CTSH: variants seen among roughly 807,000 people sequenced by gnomAD.
CTSH encodes cathepsin H.
A neutral mutation model predicts 56.3 loss-of-function variants in CTSH; 52 were observed. The ratio of observed to expected loss-of-function variants is 0.92; its 90% CI spans 0.74 to 1.16. The LOEUF (loss-of-function observed/expected upper bound fraction) is 1.16, where lower values mean the gene tolerates loss of function less well. Among genes scored for constraint, CTSH ranks in the 50% most tolerant of loss-of-function variants. The pLI is 0.00. For synonymous variants in CTSH, 174 were observed against 155.7 expected (o/e 1.12, Z -0.88); for missense variants, 406 against 424.5 (o/e 0.96, Z 0.38).
rs1177428469 is a variant in CTSH, at chr15:78,922,004, G to A, written c.*126C>T. On this transcript the variant is annotated 3_prime_UTR_variant, in exon 12 of 12. Transcript: ENST00000220166. ...GTAGGTTTCCAGGCTGGGCACAGAG[G>A]TGAGGGCAGAATGTTGGGGGTCCCA... is the stretch of plus-strand genomic sequence containing the variant. 4 of 828,798 alleles carry A rather than the reference G, an allele frequency of 4.8e-6. No individual in the cohort carries two copies. Among genetic ancestry groups the A allele is most frequent in the African/African-American group, 3.4e-5 (2 of 59,302 alleles). The allele number at this position is 828,798 out of a possible 1,614,324, so 51.3% of individuals were successfully genotyped here. A position where few individuals can be genotyped will look rare whatever the true frequency, so the allele number is the denominator to read the frequency against.
intron 1 of CTSH, 104 bp downstream of exon 1, chr15:78,944,787 C>T (rs2055361661): frequency 7.0e-7 from 1 of 1,427,618 alleles, no homozygotes; most frequent in South Asian, 1.4e-5. Flanking sequence ...CCGGGGAAAG[C>T]TCTGCCCCGT....
intron 10 of CTSH, among the ~76,000 whole-genome samples, chr15:78,924,462 G>T (rs1345703792): frequency 6.6e-6 from 1 of 152,104 alleles, no homozygotes; most frequent in Non-Finnish European, 1.5e-5. Context: ...GAGCACAGAC[G>T]TGAGTGACAT....
intron 1 of CTSH, among the ~76,000 whole-genome samples, chr15:78,939,950 C>T (rs1341418633): frequency 6.6e-6 from 1 of 152,168 alleles, no homozygotes; most frequent in Non-Finnish European, 1.5e-5. Context: ...CTTATGGGGA[C>T]AGGTAGTAAA....
At chr15:78,924,675 A>G (rs551133886) in intron 10 of CTSH, among the ~76,000 whole-genome samples, 1 of 147,556 alleles carries the variant, frequency 6.8e-6, no homozygotes, top group African/African-American at 2.5e-5. Flanking sequence ...TACGTCTTCA[A>G]ATCTTTAAAC....
Position 78,928,920 on chromosome 15 carries a change from A to G in CTSH, c.630+492T>C, listed in dbSNP as rs370105310. 7.9e-5 allele frequency among the ~76,000 whole-genome samples: 12 copies of G among 152,166 alleles called. No individual in the cohort carries two copies. The East Asian group carries it at 1.9e-3, about 25-fold the overall frequency. ...GCTGCTCATCACCACGAGGGGAAAT[A>G]AAGGAGGAGCAACAGGTCTTGGGGA... is the stretch of plus-strand genomic sequence containing the variant. On this transcript the variant is annotated intron_variant, in intron 8 of 11. Coordinates refer to ENST00000220166, the MANE Select transcript of CTSH (RefSeq NM_004390.5).
rs1268204734 is a variant in CTSH, at chr15:78,930,399, C to T, written c.549-906G>A. On this transcript the variant is annotated intron_variant, in intron 7 of 11. Coordinates refer to ENST00000220166, the MANE Select transcript of CTSH (RefSeq NM_004390.5). ...AAAATTAGCCAGGTGTGGTGGCGCACGCCTGTAATCCCAGCTCCCTGGGAG... is the reference window on the plus strand; with the variant it reads ...AAAATTAGCCAGGTGTGGTGGCGCATGCCTGTAATCCCAGCTCCCTGGGAG... 3.3e-5 allele frequency among the ~76,000 whole-genome samples: 5 copies of T among 152,068 alleles called. No individual in the cohort carries two copies. In the South Asian group the frequency reaches 8.3e-4, roughly 25 times the overall value.
chr15:78,942,143 C>T (rs1291019026), intron 1 of CTSH, among the ~76,000 whole-genome samples: 2 of 151,910 alleles, frequency 1.3e-5, no homozygotes, highest in Non-Finnish European at 2.9e-5. Flanking sequence ...CTTAATTCTT[C>T]GCACTCCTTT....
chr15:78,924,884 T>C (rs1596269190), intron 10 of CTSH, among the ~76,000 whole-genome samples: 1 of 143,652 alleles, frequency 7.0e-6, no homozygotes, highest in Non-Finnish European at 1.5e-5. Flanking sequence ...TTAGTAGAGA[T>C]GGGGTTTCGC....
chr15:78,938,141 G>A (rs2055215275), intron 2 of CTSH, among the ~76,000 whole-genome samples: 3 of 152,146 alleles, frequency 2.0e-5, no homozygotes, highest in South Asian at 4.1e-4. Flanking sequence ...GGCTGAGGCG[G>A]GTGGATCACC....
intron 9 of CTSH, chr15:78,927,437 C>T (rs920284773): frequency 6.6e-5 from 34 of 516,146 alleles, no homozygotes; most frequent in African/African-American, 6.3e-4. Context: ...CGGACAATTG[C>T]TTGCATTTTA....
At chr15:78,942,263 T>G (rs1447922884) in intron 1 of CTSH, among the ~76,000 whole-genome samples, 2 of 141,098 alleles carry the variant, frequency 1.4e-5, no homozygotes, top group Non-Finnish European at 3.0e-5. Flanking sequence ...TTGCCCAGGC[T>G]GGAGGGCAGT....
chr15:78,938,235 G>A (rs2055217522), intron 2 of CTSH, among the ~76,000 whole-genome samples: 1 of 152,176 alleles, frequency 6.6e-6, no homozygotes, highest in Admixed American at 6.5e-5. Flanking sequence ...CGGGCATGGT[G>A]GCAGACACTT....
intron 2 of CTSH, 61 bp from the exon 3 acceptor site, chr15:78,937,484 C>A: frequency 1.3e-6 from 2 of 1,483,106 alleles, no homozygotes; most frequent in Non-Finnish European, 1.9e-6. Context: ...TAGAGGGAGA[C>A]CTTTTTGTTT....
In CTSH at chr15:78,935,765, G is replaced by GA. The variant is rs749579795; in HGVS notation, c.230-16dup. ...GTTCAGTGCCACTACAAAAGAGAAG[G>GA]AAAAAACCAAAACAGAAATGGTTAG... On this transcript the variant is annotated splice_polypyrimidine_tract_variant and intron_variant, in intron 3 of 11. Transcript: ENST00000220166. 1.1e-5 allele frequency: 18 copies of GA among 1,592,204 alleles called. No individual in the cohort carries two copies. In the East Asian group the frequency reaches 3.1e-4, roughly 28 times the overall value.
At position 78,922,175 on chromosome 15, in the gene CTSH, C is replaced by G. The variant is rs989262100; in HGVS notation, c.963G>C (p.Met321Ile). The G allele has an allele frequency of 6.3e-7, 1 of 1,583,592 alleles. No homozygotes were observed. Among genetic ancestry groups the G allele is most frequent in the South Asian group, 1.2e-5 (1 of 86,492 alleles). ...GYFLIERGKN[M>I]CGLAACASYP... ...AGGAGGCGCAGGCAGCCAGGCCACA[C>G]ATGTTCTTTCCGCGCTCGATGAGGA... Residue 321 changes from methionine (M) to isoleucine (I), a missense_variant, in exon 12 of 12, where the codon ATG becomes ATC. Physicochemically the swap from Met to Ile is conservative, Grantham distance 10. Coordinates refer to ENST00000220166, the MANE Select transcript of CTSH (RefSeq NM_004390.5).
At chr15:78,939,192 T>C (rs542521392) in intron 1 of CTSH, 21 bp from the exon 2 acceptor site, 7 of 1,408,806 alleles carry the variant, frequency 5.0e-6, no homozygotes, top group Admixed American at 3.8e-5. Context: ...AAAAAAAAAA[T>C]TAGGTCTGGG....
At chr15:78,942,522 A>G (rs11855406) in intron 1 of CTSH, among the ~76,000 whole-genome samples, 74,993 of 152,116 alleles carry the variant, frequency 0.49, 22,411 homozygotes, top group Non-Finnish European at 0.68. Context: ...CTCACTCAAC[A>G]TTATTTTTAA....
At chr15:78,939,310 G>T (rs1240494285) in intron 1 of CTSH, 139 bp from the exon 2 acceptor site, 4 of 620,982 alleles carry the variant, frequency 6.4e-6, no homozygotes, top group Non-Finnish European at 8.2e-6. Context: ...GTTATATAAT[G>T]CAGAATGCAA....
In CTSH at chr15:78,925,434, C is replaced by A; in HGVS notation, c.706G>T (p.Glu236Ter). 1 of 1,611,714 alleles carries A rather than the reference C, an allele frequency of 6.2e-7. No homozygotes were observed. Among genetic ancestry groups the A allele is most frequent in the South Asian group, 1.1e-5 (1 of 91,018 alleles). Residue 236 changes from glutamate (E) to a stop codon, truncating the protein, a stop_gained, in exon 10 of 12, where the codon GAG (glutamate) becomes TAG (stop). Transcript: ENST00000220166. LOFTEE classifies it high-confidence loss of function. ...KDVANITIYDEEAMVEAVALY... is the reference protein window; with the variant it reads ...KDVANITIYD The stretch of plus-strand genomic sequence containing the variant: ...GCCACAGCCTCCACCATCGCTTCCT[C>A]GTCATACTGTGGAAACAGGACCGAG...
Sources: allele counts gnomAD v4.1 joint callset (sites outside exome capture counted in the v4.1 genomes callset), GRCh38; gene constraint gnomAD v4.1.1; transcripts MANE v1.5; gene names NCBI Gene and HGNC (gene_info 2026-07-23, HGNC 2026-07-21).